The following SLC2A13 variants were observed in gnomAD, a reference collection of about 807,000 sequenced individuals.
The protein encoded by SLC2A13 is solute carrier family 2 member 13, also known as proton myo-inositol cotransporter.
SLC2A13 carries 32 observed loss-of-function variants against 64.4 expected under a neutral mutation model. The observed-to-expected ratio is 0.50, with a 90% CI of 0.37 to 0.67. The LOEUF (loss-of-function observed/expected upper bound fraction) is 0.67, where lower values mean the gene tolerates loss of function less well. Among genes scored for constraint, SLC2A13 ranks in the 30% least tolerant of loss-of-function variants. The probability of loss-of-function intolerance (pLI) is 0.00; values close to 1 mark genes in which losing one functional copy is unlikely to be tolerated. For synonymous variants in SLC2A13, 338 were observed against 327.1 expected, an observed-to-expected ratio of 1.03 and a Z score of -0.36; for missense variants, 743 against 829.2, an observed-to-expected ratio of 0.90 and a Z score of 1.28.
chr12:40,100,913 C>T (rs945781426), intron 1 of SLC2A13, among the ~76,000 whole-genome samples: 4 of 129,614 alleles, frequency 3.1e-5, no homozygotes, highest in African/African-American at 9.1e-5. Context: ...TGCAGTGAGC[C>T]GAGATCTCGC....
intron 3 of SLC2A13, among the ~76,000 whole-genome samples, chr12:39,979,088 T>G (rs1340203045): frequency 6.6e-6 from 1 of 151,792 alleles, no homozygotes; most frequent in Non-Finnish European, 1.5e-5. Flanking sequence ...GGCAGGGTAT[T>G]CCAACAGACC....
chr12:39,875,361 CCTTTG>C (rs1944156029), intron 4 of SLC2A13, among the ~76,000 whole-genome samples: 1 of 152,212 alleles, frequency 6.6e-6, no homozygotes, highest in African/African-American at 2.4e-5. Context: ...TTCACTATGA[CCTTTG>C]CTTTGCCTCC....
rs112360923 is a variant in SLC2A13, at chr12:40,072,013, T to A, written c.557-23803A>T. Among the ~76,000 whole-genome samples the A allele has an allele frequency of 8.5e-5, 13 of 152,264 alleles. 2 individuals carry two copies. Among genetic ancestry groups the A allele is most frequent in the African/African-American group, 2.9e-4 (12 of 41,584 alleles). On this transcript the variant is annotated intron_variant, in intron 1 of 9. Coordinates refer to ENST00000280871, the MANE Select transcript of SLC2A13 (RefSeq NM_052885.4). ...CTCCTAAGGTCAAAGCCTAGAAGAC[T>A]GACTCTAGCACTTTCTCCTTCTGTT...
intron 1 of SLC2A13, among the ~76,000 whole-genome samples, chr12:40,058,605 C>T (rs1160044116): frequency 6.6e-6 from 1 of 152,088 alleles, no homozygotes; most frequent in Non-Finnish European, 1.5e-5. Context: ...TTTTAATGGA[C>T]TTAATCAATT....
chr12:40,005,338 G>A (rs745940310), intron 3 of SLC2A13, among the ~76,000 whole-genome samples: 1 of 152,058 alleles, frequency 6.6e-6, no homozygotes, highest in African/African-American at 2.4e-5. Flanking sequence ...CTCATCCAGA[G>A]GTACAACTAC....
At chr12:39,888,110 G>C (rs563595433) in intron 4 of SLC2A13, among the ~76,000 whole-genome samples, 2 of 152,326 alleles carry the variant, frequency 1.3e-5, no homozygotes, top group Non-Finnish European at 2.9e-5. Flanking sequence ...TGTGCTTCTG[G>C]AGAAGTAACA....
At chr12:40,009,985 T>C (rs1233369991) in intron 3 of SLC2A13, among the ~76,000 whole-genome samples, 2 of 152,242 alleles carry the variant, frequency 1.3e-5, no homozygotes, top group African/African-American at 4.8e-5. Context: ...TGACTACAAT[T>C]CTGGTAATAT....
chr12:39,968,760 GTATATATATATATATATATATATATATA>G (rs56838055), intron 3 of SLC2A13, among the ~76,000 whole-genome samples: 16 of 59,880 alleles, frequency 2.7e-4, no homozygotes, highest in African/African-American at 6.1e-4. Context: ...TTTTTTTTTG[GTATATATATATATATATATATATATATA>G]TATATATATA....
chr12:40,057,725 T>C (rs541165536), intron 1 of SLC2A13, among the ~76,000 whole-genome samples: 3 of 152,312 alleles, frequency 2.0e-5, no homozygotes, highest in African/African-American at 7.2e-5. Context: ...GTGATAACAA[T>C]GGCTAAGAAT....
At chr12:39,871,620 G>A (rs558753294) in intron 5 of SLC2A13, among the ~76,000 whole-genome samples, 178 bp downstream of exon 5, 7 of 152,018 alleles carry the variant, frequency 4.6e-5, no homozygotes, top group East Asian at 3.9e-4. Flanking sequence ...GTCACGTAGC[G>A]TAACAGTTGT....
chr12:40,055,561 C>T (rs1335313600), intron 1 of SLC2A13, among the ~76,000 whole-genome samples: 2 of 152,142 alleles, frequency 1.3e-5, no homozygotes, highest in Non-Finnish European at 1.5e-5. Context: ...AGCCTAAGGG[C>T]GTAGACTAAG....
chr12:39,834,810 C>G (rs989564277), intron 6 of SLC2A13, among the ~76,000 whole-genome samples: 2 of 152,030 alleles, frequency 1.3e-5, no homozygotes, highest in African/African-American at 4.8e-5. Context: ...TGGCAAAATT[C>G]TTCCAAATAT....
chr12:39,871,774 T>C (rs1383456391), intron 5 of SLC2A13, 24 bp downstream of exon 5: 1 of 1,578,698 alleles, frequency 6.3e-7, no homozygotes, highest in African/African-American at 1.4e-5. Context: ...AGTTTATAAT[T>C]GAATTCTTTA....
At chr12:40,057,010 A>G (rs191448430) in intron 1 of SLC2A13, among the ~76,000 whole-genome samples, 8 of 152,282 alleles carry the variant, frequency 5.3e-5, no homozygotes, top group Admixed American at 2.6e-4. Context: ...CAAACAAAAA[A>G]AGCAGAAACG....
chr12:40,075,336 G>A (rs957680515), intron 1 of SLC2A13, among the ~76,000 whole-genome samples: 4 of 152,148 alleles, frequency 2.6e-5, no homozygotes, highest in Admixed American at 6.5e-5. Flanking sequence ...GTTTCCCATG[G>A]AAGACTTTGT....
chr12:40,058,086 T>TTG (rs1948362489), intron 1 of SLC2A13, among the ~76,000 whole-genome samples: 4 of 151,162 alleles, frequency 2.6e-5, no homozygotes, highest in Admixed American at 6.6e-5. Context: ...GATAGATAGA[T>TTG]AGATTGATTT....
chr12:39,814,986 TTTC>T (rs1177295646), intron 7 of SLC2A13, among the ~76,000 whole-genome samples: 1 of 152,224 alleles, frequency 6.6e-6, no homozygotes, highest in African/African-American at 2.4e-5. Context: ...ACTTTTTTTT[TTTC>T]ATTTGACTTT....
chr12:40,102,486 T>C (rs1939183750), intron 1 of SLC2A13, among the ~76,000 whole-genome samples: 1 of 152,162 alleles, frequency 6.6e-6, no homozygotes, highest in Non-Finnish European at 1.5e-5. Flanking sequence ...ATCTCCTATG[T>C]GGCAGGAATA....
intron 4 of SLC2A13, among the ~76,000 whole-genome samples, chr12:39,930,644 G>A (rs560016382): frequency 3.9e-5 from 6 of 152,270 alleles, no homozygotes; most frequent in Non-Finnish European, 5.9e-5. Flanking sequence ...ATGGGAAAGG[G>A]AGGGCCAGGG....
Sources: gnomAD v4.1 joint callset for allele counts (sites outside exome capture counted in the v4.1 genomes callset) on GRCh38, gnomAD v4.1.1 for gene constraint, MANE v1.5 for transcripts, NCBI Gene and HGNC (gene_info 2026-07-23, HGNC 2026-07-21) for gene names.